NRXN3: variants seen among roughly 807,000 people sequenced by gnomAD.
NRXN3 encodes the protein neurexin III.
In NRXN3, 32 loss-of-function variants were observed where a neutral mutation model predicts 137.6. The observed-to-expected ratio is 0.23, with a 90% confidence interval of 0.18 to 0.31. The LOEUF (loss-of-function observed/expected upper bound fraction) is 0.31. Ranked by LOEUF, NRXN3 falls within the 10% of genes least tolerant of loss-of-function variation. NRXN3 has a pLI of 1.00. For synonymous variants in NRXN3, 798 were observed against 784.5 expected, an observed-to-expected ratio of 1.02 and a Z score of -0.29; for missense variants, 1,574 against 2,062.5, an observed-to-expected ratio of 0.76 and a Z score of 4.59.
At chr14:78,894,523 T>C (rs1443379298) in intron 10 of NRXN3, among the ~76,000 whole-genome samples, 3 of 151,944 alleles carry the variant, frequency 2.0e-5, no homozygotes, top group East Asian at 1.9e-4. Context: ...TCTCCACTGA[T>C]GTTTTGAACC....
intron 15 of NRXN3, among the ~76,000 whole-genome samples, chr14:79,050,017 G>C (rs1014118730): frequency 5.9e-5 from 9 of 152,072 alleles, no homozygotes; most frequent in African/African-American, 2.2e-4. Context: ...TGAGAAACAG[G>C]AATATCATAA....
In NRXN3 at chr14:78,737,862, TAGGTA is replaced by T. The variant is rs1257210764; in HGVS notation, c.2044+22724_2044+22728del. On this transcript the variant is annotated intron_variant, in intron 8 of 20. Coordinates refer to ENST00000335750, the MANE Select transcript of NRXN3 (RefSeq NM_001330195.2). ...GCTTTTGGCAGTGACCTGGGTATAGTAGGTACTGCTTACCTGCTATCATCTCATGC... is the reference window on the plus strand; with the variant it reads ...GCTTTTGGCAGTGACCTGGGTATAGTCTGCTTACCTGCTATCATCTCATGC... Among the ~76,000 whole-genome samples, 33 of 152,202 alleles carry T rather than the reference TAGGTA, an allele frequency of 2.2e-4. No homozygotes were observed. The South Asian group carries it at 6.4e-3, about 30-fold the overall frequency.
chr14:79,714,865 T>G (rs2098818136), intron 19 of NRXN3, among the ~76,000 whole-genome samples: 1 of 152,210 alleles, frequency 6.6e-6, no homozygotes, highest in Non-Finnish European at 1.5e-5. Flanking sequence ...AAAAGACACT[T>G]TCCTTTGCAA....
chr14:78,299,177 AGAG>A (rs1442530135), intron 4 of NRXN3, among the ~76,000 whole-genome samples: 2 of 152,180 alleles, frequency 1.3e-5, no homozygotes, highest in East Asian at 3.9e-4. Flanking sequence ...TAGAACTGGG[AGAG>A]GAGATCAGGT....
intron 4 of NRXN3, among the ~76,000 whole-genome samples, chr14:78,348,145 T>C (rs2082992478): frequency 6.6e-6 from 1 of 152,132 alleles, no homozygotes; most frequent in African/African-American, 2.4e-5. Flanking sequence ...CACCAGGTCC[T>C]CTGTGTTTTC....
intron 4 of NRXN3, among the ~76,000 whole-genome samples, chr14:78,500,575 C>T (rs1047493324): frequency 6.6e-6 from 1 of 152,086 alleles, no homozygotes; most frequent in African/African-American, 2.4e-5. Flanking sequence ...ACGGATACCC[C>T]CTGCCAACCC....
intron 4 of NRXN3, among the ~76,000 whole-genome samples, chr14:78,423,089 G>A (rs1455034254): frequency 1.3e-5 from 2 of 152,186 alleles, no homozygotes; most frequent in African/African-American, 2.4e-5. Context: ...CCTTTTGGAG[G>A]TGGGGACAGG....
chr14:79,280,457 G>C (rs752457620), intron 15 of NRXN3: 53 of 1,613,838 alleles, frequency 3.3e-5, no homozygotes, highest in Non-Finnish European at 4.2e-5. Context: ...CTCTCAGCAC[G>C]AGCACCATTT....
At chr14:78,696,904 C>T (rs1277813153) in intron 6 of NRXN3, among the ~76,000 whole-genome samples, 17 of 152,080 alleles carry the variant, frequency 1.1e-4, no homozygotes, top group Non-Finnish European at 1.5e-5. Context: ...CACCATCACC[C>T]ACATTCATCC....
chr14:78,805,939 T>C (rs937540247), intron 9 of NRXN3, among the ~76,000 whole-genome samples: 15 of 152,018 alleles, frequency 9.9e-5, no homozygotes, highest in Admixed American at 7.2e-4. Flanking sequence ...CACACACACA[T>C]ACACCTTGAG....
rs942281473 is a variant in NRXN3 at position 78,171,062 on chromosome 14, G to A, written c.-704+388G>A. Among the ~76,000 whole-genome samples the A allele has an allele frequency of 5.2e-5, 7 of 135,340 alleles. No individual in the cohort carries two copies. In the South Asian group the frequency reaches 7.1e-4, roughly 14 times the overall value. The allele number at this position is 135,340 out of a possible 152,430, so 88.8% of individuals were successfully genotyped here. A position where few individuals can be genotyped will look rare whatever the true frequency, so the allele number is the denominator to read the frequency against. ...GCAGATACTTTTTTTTTGACATTTTGTAGTCACTTCCCCCCTCATTTATTC... is the reference window on the plus strand; with the variant it reads ...GCAGATACTTTTTTTTTGACATTTTATAGTCACTTCCCCCCTCATTTATTC... On this transcript the variant is annotated intron_variant, in intron 1 of 20. Coordinates refer to ENST00000335750, the MANE Select transcript of NRXN3 (RefSeq NM_001330195.2).
chr14:78,781,276 C>T (rs777863384), intron 8 of NRXN3, among the ~76,000 whole-genome samples: 4 of 152,164 alleles, frequency 2.6e-5, no homozygotes, highest in East Asian at 3.9e-4. Context: ...ATGGACATGA[C>T]GAATGTCCCT....
intron 4 of NRXN3, among the ~76,000 whole-genome samples, chr14:78,580,182 G>A (rs2096979275): frequency 6.6e-6 from 1 of 152,108 alleles, no homozygotes; most frequent in South Asian, 2.1e-4. Context: ...CAGAGAAGGA[G>A]CAAGGGAGCC....
At chr14:78,518,158 A>T (rs1038527335) in intron 4 of NRXN3, among the ~76,000 whole-genome samples, 1 of 152,190 alleles carries the variant, frequency 6.6e-6, no homozygotes, top group African/African-American at 2.4e-5. Flanking sequence ...GAGTTAAGGC[A>T]TATATGCCCA....
intron 8 of NRXN3, among the ~76,000 whole-genome samples, chr14:78,740,401 A>C (rs1483009227): frequency 1.3e-5 from 2 of 151,388 alleles, no homozygotes; most frequent in Non-Finnish European, 2.9e-5. Context: ...TTTCTGCCAC[A>C]GTATTTCTCA....
intron 16 of NRXN3, among the ~76,000 whole-genome samples, chr14:79,532,328 AT>A (rs1241062475): frequency 1.3e-5 from 2 of 152,230 alleles, no homozygotes; most frequent in Non-Finnish European, 2.9e-5. Context: ...TAGATAATTA[AT>A]TTTGATATTT....
chr14:78,771,386 C>T (rs114653769), intron 8 of NRXN3, among the ~76,000 whole-genome samples: 223 of 152,242 alleles, frequency 1.5e-3, no homozygotes, highest in African/African-American at 5.3e-3. Flanking sequence ...AATAGGGGCC[C>T]ATCACTGTAT....
intron 15 of NRXN3, among the ~76,000 whole-genome samples, chr14:79,446,402 A>G (rs1400170931): frequency 6.6e-6 from 1 of 152,196 alleles, no homozygotes; most frequent in Non-Finnish European, 1.5e-5. Context: ...CTCTTCAAAC[A>G]GTAACTTAGT....
chr14:78,875,258 C>T (rs571768173), intron 10 of NRXN3, among the ~76,000 whole-genome samples: 1 of 152,262 alleles, frequency 6.6e-6, no homozygotes, highest in African/African-American at 2.4e-5. Context: ...CCAGCTGGGA[C>T]AGGAACGCTG....
Sources: gnomAD v4.1 joint callset for allele counts (sites outside exome capture counted in the v4.1 genomes callset) on GRCh38, gnomAD v4.1.1 for gene constraint, MANE v1.5 for transcripts, NCBI Gene and HGNC (gene_info 2026-07-23, HGNC 2026-07-21) for gene names.